SLC26A4: variants seen among roughly 807,000 people sequenced by gnomAD.
The protein encoded by SLC26A4 is pendrin.
Under a neutral mutation model 90.4 loss-of-function variants are expected in SLC26A4, and 93 were observed. The observed-to-expected ratio is 1.03, with a 90% confidence interval of 0.87 to 1.22. SLC26A4 has a LOEUF of 1.22. Ranked by LOEUF, SLC26A4 falls within the 50% of genes most tolerant of loss-of-function variation. The probability of loss-of-function intolerance (pLI) is 0.00; values close to 1 mark genes in which losing one functional copy is unlikely to be tolerated. For synonymous variants in SLC26A4, 393 were observed against 354.6 expected (o/e 1.11, Z -1.22); for missense variants, 1,127 against 946.2 (o/e 1.19, Z -2.51).
In SLC26A4 at chr7:107,675,052, A is replaced by G. The variant is rs748961362; in HGVS notation, c.708A>G (p.Leu236=). Residue 236 remains leucine, a synonymous_variant, in exon 6 of 21, where the codon CTA becomes CTG. Coordinates refer to ENST00000644269, the MANE Select transcript of SLC26A4 (RefSeq NM_000441.2). The stretch of plus-strand genomic sequence containing the variant: ...CCTTCCAAGTGCTGGTCTCACAGCT[A>G]AAGATTGTCCTCAATGTTTCAACCA... The part of the protein sequence containing the change: ...AAAFQVLVSQ[L]KIVLNVSTKN... 1.9e-5 allele frequency: 31 copies of G among 1,613,966 alleles called. No homozygotes were observed. The highest frequency in any genetic ancestry group is 6.7e-5 in the East Asian group (3 of 44,896).
intron 13 of SLC26A4, among the ~76,000 whole-genome samples, chr7:107,696,502 A>G (rs575115054): frequency 7.0e-4 from 106 of 152,330 alleles, no homozygotes; most frequent in African/African-American, 2.5e-3. Flanking sequence ...GTTATATATT[A>G]TAGTTCATTT....
At position 107,674,103 on chromosome 7, in the gene SLC26A4, C is replaced by A; in HGVS notation, c.416-61C>A. 3.4e-6 allele frequency: 5 copies of A among 1,459,794 alleles called. No homozygotes were observed. The South Asian group carries it at 5.7e-5, about 17-fold the overall frequency. 90.4% of individuals were successfully genotyped at this position (1,459,794 alleles called of 1,614,324 possible). A position where few individuals can be genotyped will look rare whatever the true frequency, so the allele number is the denominator to read the frequency against. On this transcript the variant is annotated intron_variant, in intron 4 of 20. Coordinates refer to ENST00000644269, the MANE Select transcript of SLC26A4 (RefSeq NM_000441.2). ...TTTTATACATTTTTTAAACCCTATG[C>A]AGACACATTGAACATTTGTGATTAA...
rs1441657757 is a variant in SLC26A4 at position 107,675,088 on chromosome 7, T to A, written c.744T>A (p.Asn248Lys). The change falls in exon 6 of 21, where the codon AAT (asparagine) becomes AAA (lysine). Residue 248 changes from asparagine to lysine, a missense_variant. Physicochemically the swap from Asn to Lys is moderately conservative, Grantham distance 94 (BLOSUM62 0). Transcript: ENST00000644269. ...IVLNVSTKNY[N>K]GVLSIIYTLV... ...TCAATGTTTCAACCAAAAACTACAA[T>A]GGAGTTCTCTCTATTATCTATGTAA... 2 of 1,613,890 alleles carry A rather than the reference T, an allele frequency of 1.2e-6. No homozygotes were observed. The highest frequency in any genetic ancestry group is 2.2e-5 in the South Asian group (2 of 91,064).
In SLC26A4 at chr7:107,701,142, A is replaced by C. The variant is rs1791875369; in HGVS notation, c.1749A>C (p.Lys583Asn). The C allele has an allele frequency of 6.2e-7, 1 of 1,611,474 alleles. No individual in the cohort carries two copies. Among genetic ancestry groups the C allele is most frequent in the South Asian group, 1.1e-5 (1 of 91,046 alleles). Residue 583 changes from lysine to asparagine, a missense_variant, in exon 16 of 21, where the codon AAA (lysine) becomes AAC (asparagine). Transcript: ENST00000644269. ...TTAGAGTATATAATAAGAGGCTGAA[A>C]GCGCTGAGGAAAATACAGAAACTAA... ...DAIRVYNKRL[K>N]ALRKIQKLIK...
intron 6 of SLC26A4, among the ~76,000 whole-genome samples, chr7:107,679,975 A>C (rs1177951768): frequency 2.9e-5 from 4 of 137,496 alleles, no homozygotes; most frequent in African/African-American, 5.4e-5. Flanking sequence ...ATTATATAAT[A>C]TAATCTTATT....
rs58576336 is a variant in SLC26A4 at position 107,670,847 on chromosome 7, ATG to A, written c.305-1289_305-1288del. On this transcript the variant is annotated intron_variant, in intron 3 of 20. Transcript: ENST00000644269. ...CCTAAGTATTTAACCAAGGAAAAGA[ATG>A]TCATTATCCTCTTCTAACCCTCATG... Among the ~76,000 whole-genome samples the A allele has an allele frequency of 5.8e-3, 880 of 152,288 alleles. 11 individuals are homozygous for A. The highest frequency in any genetic ancestry group is 0.02 in the African/African-American group (846 of 41,564).
intron 18 of SLC26A4, 101 bp from the exon 19 acceptor site, chr7:107,709,953 A>G (rs1792135221): frequency 2.1e-6 from 2 of 945,622 alleles, no homozygotes. Flanking sequence ...CAATGATGCC[A>G]CTGCACTCCA....
At chr7:107,684,560 A>T (rs1413298667) in intron 8 of SLC26A4, among the ~76,000 whole-genome samples, 4 of 152,204 alleles carry the variant, frequency 2.6e-5, no homozygotes, top group Non-Finnish European at 5.9e-5. Context: ...AGCTGGCTAC[A>T]TGGGACTTAA....
intron 20 of SLC26A4, 35 bp from the exon 21 acceptor site, chr7:107,715,388 T>G (rs756329321): frequency 6.3e-7 from 1 of 1,590,640 alleles, no homozygotes; most frequent in Non-Finnish European, 8.6e-7. Flanking sequence ...AGAATTCAGT[T>G]GTATCAACAC....
chr7:107,692,144 C>G, intron 10 of SLC26A4: 1 of 1,185,834 alleles, frequency 8.4e-7, no homozygotes, highest in Non-Finnish European at 1.1e-6. Context: ...CTCTGGTAAG[C>G]TAATACCCCC....
chr7:107,710,493 A>C (rs1178149444), intron 19 of SLC26A4, among the ~76,000 whole-genome samples: 1 of 152,252 alleles, frequency 6.6e-6, no homozygotes, highest in Non-Finnish European at 1.5e-5. Flanking sequence ...ATGCCTTTTA[A>C]GAATATTGAA....
At chr7:107,693,360 C>G (rs1468205957) in intron 10 of SLC26A4, 2 of 985,354 alleles carry the variant, frequency 2.0e-6, no homozygotes, top group East Asian at 2.3e-4. Context: ...CAACTATAAT[C>G]TAAATATAAA....
At chr7:107,702,868 C>T (rs994177900) in intron 17 of SLC26A4, among the ~76,000 whole-genome samples, 2 of 151,928 alleles carry the variant, frequency 1.3e-5, no homozygotes, top group Admixed American at 6.6e-5. Flanking sequence ...ATAAGGAATA[C>T]CAGGTGTATG....
At chr7:107,679,965 A>ATTATATAATATAATC (rs1562826985) in intron 6 of SLC26A4, among the ~76,000 whole-genome samples, 4 of 122,902 alleles carry the variant, frequency 3.3e-5, no homozygotes, top group Non-Finnish European at 4.9e-5. Flanking sequence ...ATATAATCTT[A>ATTATATAATATAATC]TTATATAATA....
In SLC26A4 at chr7:107,684,253, A is replaced by G. The variant is rs960351381; in HGVS notation, c.1001+716A>G. ...TACAAAGGAGGCCTAGACGTTTATTATATTTGTAACATACACTCATAACAT... is the reference window on the plus strand; with the variant it reads ...TACAAAGGAGGCCTAGACGTTTATTGTATTTGTAACATACACTCATAACAT... On this transcript the variant is annotated intron_variant, in intron 8 of 20. Coordinates refer to ENST00000644269, the MANE Select transcript of SLC26A4 (RefSeq NM_000441.2). 1.7e-4 allele frequency among the ~76,000 whole-genome samples: 26 copies of G among 152,226 alleles called. 1 individual carries two copies. Among genetic ancestry groups the G allele is most frequent in the African/African-American group, 6.3e-4 (26 of 41,462 alleles).
In SLC26A4 at chr7:107,717,663, A is replaced by G. The variant is rs1304723284; in HGVS notation, c.*2217A>G. The G allele has an allele frequency of 2.0e-5, 3 of 152,666 alleles. No individual in the cohort carries two copies. Among genetic ancestry groups the G allele is most frequent in the African/African-American group, 7.2e-5 (3 of 41,456 alleles). The allele number at this position is 152,666 out of a possible 1,614,324, so 9.5% of individuals were successfully genotyped here. On this transcript the variant is annotated 3_prime_UTR_variant, in exon 21 of 21. Transcript: ENST00000644269. ...TAAAGCTGCCTTTTGTTATATTTTT[A>G]ACCTATAGGATAAGATTCCAGTATT...
chr7:107,704,262 A>T, intron 17 of SLC26A4, 69 bp from the exon 18 acceptor site: 1 of 729,294 alleles, frequency 1.4e-6, no homozygotes. Context: ...TGAGCAAGTA[A>T]CTGAATGCTA....
Position 107,715,835 on chromosome 7 carries a change from C to G in SLC26A4, c.*389C>G. 1 of 248,970 alleles carries G rather than the reference C, an allele frequency of 4.0e-6. No homozygotes were observed. The highest frequency in any genetic ancestry group is 7.3e-5 in the South Asian group (1 of 13,700). 15.4% of individuals were successfully genotyped at this position (248,970 alleles called of 1,614,324 possible). A position where few individuals can be genotyped will look rare whatever the true frequency, so the allele number is the denominator to read the frequency against. ...TAAAGAAAAATCAGTTTTTGACTGA[C>G]CTGGATATCCATGAGCTGCACTGAT... On this transcript the variant is annotated 3_prime_UTR_variant, in exon 21 of 21. Transcript: ENST00000644269.
At chr7:107,687,912 C>A (rs1791463062) in intron 8 of SLC26A4, among the ~76,000 whole-genome samples, 1 of 152,122 alleles carries the variant, frequency 6.6e-6, no homozygotes, top group African/African-American at 2.4e-5. Context: ...TGTCTGTCTA[C>A]AGATGGGGTT....
Sources: allele counts gnomAD v4.1 joint callset (sites outside exome capture counted in the v4.1 genomes callset), GRCh38; gene constraint gnomAD v4.1.1; transcripts MANE v1.5; gene names NCBI Gene and HGNC (gene_info 2026-07-23, HGNC 2026-07-21).